Variants in CNTN6 observed in about 807,000 individuals in gnomAD.
The protein encoded by CNTN6 is contactin 6.
Under a neutral mutation model 122.8 loss-of-function variants are expected in CNTN6, and 137 were observed. The observed-to-expected ratio is 1.12, with a 90% CI of 0.97 to 1.29. The LOEUF (loss-of-function observed/expected upper bound fraction) is 1.29. Among genes scored for constraint, CNTN6 ranks in the 50% most tolerant of loss-of-function variants. CNTN6 has a pLI of 0.00. For synonymous variants in CNTN6, 570 were observed against 426.0 expected (o/e 1.34, Z -4.16); for missense variants, 1,634 against 1,223.4 (o/e 1.34, Z -5.01).
In CNTN6 at chr3:1,383,066, G is replaced by C; in HGVS notation, c.2291G>C (p.Arg764Thr). The C allele has an allele frequency of 6.2e-7, 1 of 1,614,024 alleles. No individual in the cohort carries two copies. The highest frequency in any genetic ancestry group is 8.5e-7 in the Non-Finnish European group (1 of 1,179,934). The change falls in exon 18 of 23, where the codon AGA becomes ACA. Residue 764 changes from arginine (R) to threonine (T), a missense_variant. By Grantham distance (71) the Arg-to-Thr change is moderately conservative (BLOSUM62 -1). Coordinates refer to ENST00000446702, the MANE Select transcript of CNTN6 (RefSeq NM_001289080.2). Reference protein sequence around the residue: ...SSVESSRFVYRNESIIPLSPF... With the variant: ...SSVESSRFVYTNESIIPLSPF... Reference sequence around the variant, plus strand: ...GTGGAATCATCAAGGTTTGTCTACAGAAATGAAAGCATCATCCCACTGTCT... The same window carrying C: ...GTGGAATCATCAAGGTTTGTCTACACAAATGAAAGCATCATCCCACTGTCT...
At chr3:1,233,147 G>A (rs1365584039) in intron 4 of CNTN6, among the ~76,000 whole-genome samples, 1 of 152,114 alleles carries the variant, frequency 6.6e-6, no homozygotes, top group African/African-American at 2.4e-5. Context: ...AAAGAAACAT[G>A]CAAAAATCCA....
intron 11 of CNTN6, among the ~76,000 whole-genome samples, chr3:1,338,638 G>A (rs1703441964): frequency 6.6e-6 from 1 of 152,124 alleles, no homozygotes; most frequent in Admixed American, 6.6e-5. Context: ...ATTGGCTCTA[G>A]AATGGTGTCC....
chr3:1,222,352 A>G (rs1234116211), intron 3 of CNTN6, among the ~76,000 whole-genome samples: 2 of 152,212 alleles, frequency 1.3e-5, no homozygotes, highest in Admixed American at 1.3e-4. Flanking sequence ...TACTTAAAGT[A>G]GTAATTTTAT....
At chr3:1,157,192 T>A (rs1472248055) in intron 2 of CNTN6, among the ~76,000 whole-genome samples, 1 of 146,972 alleles carries the variant, frequency 6.8e-6, no homozygotes, top group African/African-American at 2.5e-5. Context: ...AATTATACTC[T>A]TTTATTTATT....
intron 4 of CNTN6, among the ~76,000 whole-genome samples, chr3:1,260,983 A>C (rs987191511): frequency 3.9e-5 from 6 of 152,098 alleles, no homozygotes; most frequent in African/African-American, 1.4e-4. Context: ...TTTGAAGAAA[A>C]AATTAAGAAA....
chr3:1,325,015 G>A (rs1442602878), intron 8 of CNTN6, among the ~76,000 whole-genome samples: 1 of 151,702 alleles, frequency 6.6e-6, no homozygotes, highest in Non-Finnish European at 1.5e-5. Context: ...TAAAGGAGAG[G>A]GATTAATTGG....
intron 4 of CNTN6, among the ~76,000 whole-genome samples, chr3:1,255,393 G>A (rs909226013): frequency 1.1e-4 from 16 of 149,668 alleles, no homozygotes; most frequent in Non-Finnish European, 5.9e-5. Flanking sequence ...AATTGGAAGG[G>A]GCTACGTAAG....
chr3:1,285,252 G>A (rs1694136057), intron 5 of CNTN6, among the ~76,000 whole-genome samples: 1 of 152,184 alleles, frequency 6.6e-6, no homozygotes, highest in Non-Finnish European at 1.5e-5. Flanking sequence ...ATAAGAGAAG[G>A]AGAAAAGTAA....
At chr3:1,355,048 G>A (rs1706327314) in intron 12 of CNTN6, among the ~76,000 whole-genome samples, 1 of 151,442 alleles carries the variant, frequency 6.6e-6, no homozygotes, top group Non-Finnish European at 1.5e-5. Flanking sequence ...CATAACTGAT[G>A]TCACTATGCC....
chr3:1,401,747 T>C (rs1009493225), intron 21 of CNTN6, among the ~76,000 whole-genome samples: 4 of 152,036 alleles, frequency 2.6e-5, no homozygotes, highest in African/African-American at 9.7e-5. Flanking sequence ...TTAGGGAACA[T>C]CAATAAATCA....
At chr3:1,125,557 A>T (rs1047461533) in intron 1 of CNTN6, among the ~76,000 whole-genome samples, 2 of 151,856 alleles carry the variant, frequency 1.3e-5, no homozygotes, top group Admixed American at 6.6e-5. Context: ...CCAGGTCAGA[A>T]TAAAAATGAC....
At chr3:1,143,842 T>C (rs1475587581) in intron 1 of CNTN6, among the ~76,000 whole-genome samples, 2 of 152,198 alleles carry the variant, frequency 1.3e-5, no homozygotes, top group East Asian at 3.9e-4. Flanking sequence ...ATACACTGGA[T>C]GGAATCAAAC....
intron 12 of CNTN6, among the ~76,000 whole-genome samples, chr3:1,369,860 A>C (rs2126131474): frequency 6.7e-6 from 1 of 150,350 alleles, no homozygotes; most frequent in Admixed American, 6.6e-5. Context: ...TTTTTTTTTA[A>C]GGTTCAATCA....
intron 16 of CNTN6, 103 bp from the exon 17 acceptor site, chr3:1,376,902 T>C (rs1248221496): frequency 4.2e-6 from 3 of 722,500 alleles, no homozygotes; most frequent in African/African-American, 3.5e-5. Flanking sequence ...TCTCACAGTA[T>C]GCCTGTGTGA....
intron 10 of CNTN6, among the ~76,000 whole-genome samples, chr3:1,329,576 T>G (rs265772): frequency 0.098 from 14,825 of 151,786 alleles, 782 homozygotes; most frequent in Non-Finnish European, 0.12. Context: ...CTCTCTAAGG[T>G]AATATCTTTT....
intron 20 of CNTN6, among the ~76,000 whole-genome samples, chr3:1,389,958 A>T (rs1010540250): frequency 1.3e-5 from 2 of 150,418 alleles, no homozygotes; most frequent in African/African-American, 2.4e-5. Flanking sequence ...CACATTAATA[A>T]TGGGAGACTT....
chr3:1,356,667 C>T (rs1706607439), intron 12 of CNTN6, among the ~76,000 whole-genome samples: 1 of 151,842 alleles, frequency 6.6e-6, no homozygotes, highest in African/African-American at 2.4e-5. Flanking sequence ...TACTTGAAAA[C>T]ACCAGAGAAG....
intron 8 of CNTN6, among the ~76,000 whole-genome samples, chr3:1,323,345 A>C (rs1310802524): frequency 6.6e-6 from 1 of 151,820 alleles, no homozygotes; most frequent in Non-Finnish European, 1.5e-5. Context: ...ATAGCATTTC[A>C]ACATGGTGGT....
chr3:1,401,240 A>T, intron 20 of CNTN6, 193 bp from the exon 21 acceptor site: 2 of 517,000 alleles, frequency 3.9e-6, no homozygotes, highest in Admixed American at 3.7e-5. Flanking sequence ...TCACAAAGGC[A>T]TTCCCAAATG....
Sources: allele counts gnomAD v4.1 joint callset (sites outside exome capture counted in the v4.1 genomes callset), GRCh38; gene constraint gnomAD v4.1.1; transcripts MANE v1.5; gene names NCBI Gene and HGNC (gene_info 2026-07-23, HGNC 2026-07-21).